Variants in DIP2C observed in about 807,000 individuals in gnomAD.
DIP2C encodes DIP2 acetate--CoA ligase C (putative).
DIP2C carries 33 observed loss-of-function variants against 192.4 expected under a neutral mutation model. The observed-to-expected ratio is 0.17, with a 90% CI of 0.13 to 0.23. The LOEUF (loss-of-function observed/expected upper bound fraction) is 0.23, where lower values mean the gene tolerates loss of function less well. Ranked by LOEUF, DIP2C falls within the 10% of genes least tolerant of loss-of-function variation. The pLI is 1.00. For missense variants in DIP2C, 1,537 were observed against 2,110.1 expected (o/e 0.73, Z 5.32); for synonymous variants, 979 against 864.1 (o/e 1.13, Z -2.33).
chr10:380,341 C>A (rs1285402697), intron 17 of DIP2C, among the ~76,000 whole-genome samples: 2 of 151,504 alleles, frequency 1.3e-5, no homozygotes, highest in Admixed American at 6.6e-5. Flanking sequence ...GCAGAAGAGG[C>A]TGTCCCTGGA....
chr10:374,100 GTC>G lies in DIP2C; in HGVS notation c.1992-4469_1992-4468del, dbSNP rs567401353. On this transcript the variant is annotated intron_variant, in intron 17 of 36. Transcript: ENST00000280886. Reference sequence around the variant, plus strand: ...AACATATCTGCAGATCTTTCCATGTGTCTGTGTGTGGGTGTGCATCTGTGTAG... The same window carrying G: ...AACATATCTGCAGATCTTTCCATGTGTGTGTGTGGGTGTGCATCTGTGTAG... 1.5e-3 allele frequency among the ~76,000 whole-genome samples: 228 copies of G among 152,280 alleles called. 1 individual carries two copies. Among genetic ancestry groups the G allele is most frequent in the Non-Finnish European group, 2.7e-3 (184 of 68,030 alleles).
chr10:568,934 C>A (rs1038733300), intron 1 of DIP2C, among the ~76,000 whole-genome samples: 1 of 152,016 alleles, frequency 6.6e-6, no homozygotes, highest in Admixed American at 6.6e-5. Context: ...TTTTAGATGG[C>A]CTGCAACAAG....
chr10:341,712 G>A (rs1423597777), intron 28 of DIP2C, among the ~76,000 whole-genome samples: 4 of 152,198 alleles, frequency 2.6e-5, no homozygotes, highest in African/African-American at 9.7e-5. Flanking sequence ...AAGACAATAA[G>A]GCCAAATGAA....
chr10:384,459 A>G, intron 15 of DIP2C, 87 bp downstream of exon 15: 1 of 1,366,330 alleles, frequency 7.3e-7, no homozygotes, highest in Non-Finnish European at 1.0e-6. Context: ...GGTGGTCTGG[A>G]ACTCCTGACC....
At chr10:431,874 A>G (rs1966859664) in intron 4 of DIP2C, among the ~76,000 whole-genome samples, 1 of 152,226 alleles carries the variant, frequency 6.6e-6, no homozygotes, top group South Asian at 2.1e-4. Flanking sequence ...TATGATGTTA[A>G]CAATAGGTTT....
At chr10:685,055 A>G (rs978296436) in intron 1 of DIP2C, among the ~76,000 whole-genome samples, 2 of 148,352 alleles carry the variant, frequency 1.3e-5, no homozygotes, top group Admixed American at 6.8e-5. Context: ...AATCACTTGA[A>G]CCCAGGAGGC....
chr10:653,614 C>T (rs1034899963), intron 1 of DIP2C, among the ~76,000 whole-genome samples: 7 of 152,176 alleles, frequency 4.6e-5, no homozygotes, highest in Non-Finnish European at 8.8e-5. Context: ...TCATCCACTA[C>T]AAATTAAAAC....
At chr10:288,145 A>G (rs965660088) in intron 33 of DIP2C, among the ~76,000 whole-genome samples, 1 of 152,218 alleles carries the variant, frequency 6.6e-6, no homozygotes, top group Non-Finnish European at 1.5e-5. Flanking sequence ...TGCTGGCTTC[A>G]TGGAGGAGGA....
At chr10:384,707 T>A in intron 14 of DIP2C, 68 bp from the exon 15 acceptor site, 1 of 1,518,768 alleles carries the variant, frequency 6.6e-7, no homozygotes, top group South Asian at 1.1e-5. Context: ...TCTCACCCAG[T>A]GGCATGGACA....
At chr10:349,482 A>C (rs372013018) in intron 24 of DIP2C, 28 bp from the exon 25 acceptor site, 1 of 1,584,956 alleles carries the variant, frequency 6.3e-7, no homozygotes, top group Non-Finnish European at 8.6e-7. Flanking sequence ...GGACAAGCAC[A>C]TAAGATTCCT....
At chr10:424,956 T>C (rs1219181373) in intron 4 of DIP2C, among the ~76,000 whole-genome samples, 2 of 147,424 alleles carry the variant, frequency 1.4e-5, no homozygotes, top group South Asian at 4.2e-4. Context: ...ACACAGATGA[T>C]ACAGCATGAC....
At chr10:536,238 C>CT (rs1291463398) in intron 1 of DIP2C, among the ~76,000 whole-genome samples, 29 of 152,254 alleles carry the variant, frequency 1.9e-4, no homozygotes, top group Admixed American at 1.9e-3. Flanking sequence ...TCACACAGCC[C>CT]TTTTCTCTGT....
At position 288,194 on chromosome 10, in the gene DIP2C, T is replaced by TA. The variant is rs35478519; in HGVS notation, c.4044+169dup. Among the ~76,000 whole-genome samples, 419 of 152,336 alleles carry TA rather than the reference T, an allele frequency of 2.8e-3. 1 individual carries two copies. The highest frequency in any genetic ancestry group is 9.6e-3 in the African/African-American group (401 of 41,572). ...TAACTTTTACCTGAGGAAAAAAGTC[T>TA]AACTTGTTTAAAACACTGTTATTTT... On this transcript the variant is annotated intron_variant, in intron 33 of 36. Transcript: ENST00000280886.
chr10:571,966 T>C (rs1256523619), intron 1 of DIP2C, among the ~76,000 whole-genome samples: 3 of 152,234 alleles, frequency 2.0e-5, no homozygotes, highest in Non-Finnish European at 4.4e-5. Context: ...ACCATAAGCA[T>C]TCCGAAATAT....
At position 472,435 on chromosome 10, in the gene DIP2C, T is replaced by C. The variant is rs754167413; in HGVS notation, c.268+4A>G. 9 of 1,613,756 alleles carry C rather than the reference T, an allele frequency of 5.6e-6. No individual in the cohort carries two copies. The highest frequency in any genetic ancestry group is 3.3e-5 in the South Asian group (3 of 91,074). On this transcript the variant is annotated splice_donor_region_variant and intron_variant, in intron 3 of 36. Transcript: ENST00000280886. ...CGTATTGTATCACCCCACCCCGTGC[T>C]TACCTGACCGATAGCGCTCATCTCG...
chr10:489,661 C>T (rs546156177), intron 1 of DIP2C, among the ~76,000 whole-genome samples: 45 of 151,294 alleles, frequency 3.0e-4, no homozygotes, highest in African/African-American at 1.1e-3. Context: ...GTGGCTCTGA[C>T]GGTGCCCGGG....
At chr10:580,057 A>G (rs1850506358) in intron 1 of DIP2C, among the ~76,000 whole-genome samples, 1 of 152,160 alleles carries the variant, frequency 6.6e-6, no homozygotes, top group African/African-American at 2.4e-5. Flanking sequence ...CAGGTATACT[A>G]TAACCTGTAT....
At chr10:626,774 A>G (rs1447906160) in intron 1 of DIP2C, among the ~76,000 whole-genome samples, 1 of 142,126 alleles carries the variant, frequency 7.0e-6, no homozygotes, top group Non-Finnish European at 1.5e-5. Flanking sequence ...GTTGCCCAGG[A>G]AGGATGGAAC....
intron 35 of DIP2C, among the ~76,000 whole-genome samples, chr10:281,534 A>T (rs1954819749): frequency 6.6e-6 from 1 of 152,220 alleles, no homozygotes; most frequent in Admixed American, 6.5e-5. Flanking sequence ...GCTGGCTGCA[A>T]AGCCGCCATG....
Sources: allele counts gnomAD v4.1 joint callset (sites outside exome capture counted in the v4.1 genomes callset), GRCh38; gene constraint gnomAD v4.1.1; transcripts MANE v1.5; gene names NCBI Gene and HGNC (gene_info 2026-07-23, HGNC 2026-07-21).